Variants in JARID2 observed in about 807,000 individuals in gnomAD.
JARID2 encodes the protein jumonji and AT-rich interaction domain containing 2, also known as protein Jumonji.
JARID2 carries 21 observed loss-of-function variants against 125.6 expected under a neutral mutation model. The ratio of observed to expected loss-of-function variants is 0.17; its 90% CI spans 0.12 to 0.24. The LOEUF (loss-of-function observed/expected upper bound fraction) is 0.24. JARID2 is among the 10% of genes least tolerant of loss of function. The pLI is 1.00. For synonymous variants in JARID2, 736 were observed against 661.6 expected (o/e 1.11, Z -1.73); for missense variants, 1,303 against 1,639.6 (o/e 0.79, Z 3.55).
chr6:15,261,375 C>T (rs1165749038), intron 1 of JARID2, among the ~76,000 whole-genome samples: 16 of 142,240 alleles, frequency 1.1e-4, no homozygotes, highest in Admixed American at 6.7e-4. Context: ...AGTGCAGTGG[C>T]GCTATCTTGG....
intron 1 of JARID2, among the ~76,000 whole-genome samples, chr6:15,353,253 G>T (rs1333887391): frequency 6.6e-6 from 1 of 152,082 alleles, no homozygotes; most frequent in East Asian, 1.9e-4. Flanking sequence ...GGTGTGAAGT[G>T]GTATCGCATT....
intron 16 of JARID2, among the ~76,000 whole-genome samples, chr6:15,514,315 C>A (rs115672823): frequency 4.9e-4 from 74 of 152,358 alleles, no homozygotes; most frequent in African/African-American, 1.3e-3. Flanking sequence ...AGAGCATGCC[C>A]GAAGGGCCTG....
chr6:15,333,913 C>T (rs960998097), intron 1 of JARID2, among the ~76,000 whole-genome samples: 4 of 152,118 alleles, frequency 2.6e-5, no homozygotes, highest in African/African-American at 9.7e-5. Context: ...AAAGGAGCCA[C>T]CTATCAGGAT....
intron 1 of JARID2, among the ~76,000 whole-genome samples, chr6:15,259,334 G>T (rs1759786314): frequency 6.6e-6 from 1 of 152,174 alleles, no homozygotes; most frequent in African/African-American, 2.4e-5. Flanking sequence ...ATAATGTCTT[G>T]ATGTTGGAGG....
intron 1 of JARID2, among the ~76,000 whole-genome samples, chr6:15,286,023 C>G (rs1760985982): frequency 6.6e-6 from 1 of 152,118 alleles, no homozygotes; most frequent in South Asian, 2.1e-4. Flanking sequence ...GAAGTTTTTC[C>G]TTTCAGTGCA....
At chr6:15,430,908 G>A (rs778502187) in intron 3 of JARID2, among the ~76,000 whole-genome samples, 1 of 152,158 alleles carries the variant, frequency 6.6e-6, no homozygotes, top group Non-Finnish European at 1.5e-5. Flanking sequence ...TGTTTTCAGA[G>A]CCATTCTTTT....
At chr6:15,484,057 CTT>C (rs1427640505) in intron 5 of JARID2, among the ~76,000 whole-genome samples, 1 of 152,114 alleles carries the variant, frequency 6.6e-6, no homozygotes, top group Non-Finnish European at 1.5e-5. Context: ...CAAATAATGT[CTT>C]TGTATTATTA....
chr6:15,484,871 A>G (rs1769792686), intron 5 of JARID2, among the ~76,000 whole-genome samples: 1 of 152,112 alleles, frequency 6.6e-6, no homozygotes, highest in African/African-American at 2.4e-5. Context: ...AAAAGCAACT[A>G]CTTCCTATGT....
At chr6:15,304,141 C>G (rs1002317648) in intron 1 of JARID2, among the ~76,000 whole-genome samples, 1 of 152,106 alleles carries the variant, frequency 6.6e-6, no homozygotes, top group Non-Finnish European at 1.5e-5. Flanking sequence ...ATAGTGGCTA[C>G]TCCCGCTAAT....
At chr6:15,441,005 G>A (rs1488759754) in intron 3 of JARID2, among the ~76,000 whole-genome samples, 1 of 152,102 alleles carries the variant, frequency 6.6e-6, no homozygotes, top group African/African-American at 2.4e-5. Context: ...TTAAGGTCCA[G>A]GCAACTAAAT....
At chr6:15,440,406 C>A (rs895959903) in intron 3 of JARID2, among the ~76,000 whole-genome samples, 2 of 152,112 alleles carry the variant, frequency 1.3e-5, no homozygotes. Flanking sequence ...TTGGGCTGAC[C>A]CCTTTGCATC....
At chr6:15,324,322 CTTGGAGTTTTATAATTTT>C (rs1762462106) in intron 1 of JARID2, 1 of 151,836 alleles carries the variant, frequency 6.6e-6, no homozygotes, top group South Asian at 2.1e-4. Context: ...TGTGTTTCCT[CTTGGAGTTTTATAATTTT>C]TTCCCCCACA....
rs77821287 is a variant in JARID2, at chr6:15,316,102, C to T, written c.46-58015C>T. 2.6e-3 allele frequency among the ~76,000 whole-genome samples: 402 copies of T among 152,008 alleles called. 8 individuals are homozygous for T. In the East Asian group the frequency reaches 0.034, roughly 13 times the overall value. ...GAAGTGGGGTCTGCTGGCTTGAAAA[C>T]ATGTGTGAAATACAGATTCTATGGG... On this transcript the variant is annotated intron_variant, in intron 1 of 17. Transcript: ENST00000341776.
chr6:15,380,452 A>G (rs556773610), intron 2 of JARID2, among the ~76,000 whole-genome samples: 1 of 152,242 alleles, frequency 6.6e-6, no homozygotes, highest in Admixed American at 6.5e-5. Flanking sequence ...GGGTATCAAA[A>G]ATGTAGACTG....
intron 1 of JARID2, among the ~76,000 whole-genome samples, chr6:15,300,082 A>G (rs1190203542): frequency 1.3e-5 from 2 of 152,098 alleles, no homozygotes; most frequent in Non-Finnish European, 2.9e-5. Flanking sequence ...ATGATTTCTC[A>G]TTGGCCCAGT....
At chr6:15,376,748 G>A (rs1434588073) in intron 2 of JARID2, among the ~76,000 whole-genome samples, 1 of 152,130 alleles carries the variant, frequency 6.6e-6, no homozygotes, top group African/African-American at 2.4e-5. Context: ...TTTCAAGGCA[G>A]CTACCATCTT....
At chr6:15,513,205 A>C (rs767189130) in intron 15 of JARID2, 34 bp from the exon 16 acceptor site, 338 of 1,554,148 alleles carry the variant, frequency 2.2e-4, no homozygotes, top group Non-Finnish European at 2.4e-4. Context: ...GCAGGCCGTC[A>C]CTAAAGGTGC....
chr6:15,427,952 A>G (rs1170420211), intron 3 of JARID2, among the ~76,000 whole-genome samples: 3 of 151,822 alleles, frequency 2.0e-5, no homozygotes, highest in Non-Finnish European at 2.9e-5. Context: ...TGCAATTGCA[A>G]GTAGTGCACA....
At chr6:15,430,820 A>G (rs980705878) in intron 3 of JARID2, among the ~76,000 whole-genome samples, 5 of 152,160 alleles carry the variant, frequency 3.3e-5, no homozygotes, top group Non-Finnish European at 5.9e-5. Context: ...CATGATCCAG[A>G]CCAGTCTTGG....
Sources: allele counts gnomAD v4.1 joint callset (sites outside exome capture counted in the v4.1 genomes callset), GRCh38; gene constraint gnomAD v4.1.1; transcripts MANE v1.5; gene names NCBI Gene and HGNC (gene_info 2026-07-23, HGNC 2026-07-21).